SEC31A: variants seen among roughly 807,000 people sequenced by gnomAD.
The protein encoded by SEC31A is protein transport protein Sec31A.
Under a neutral mutation model 151.0 loss-of-function variants are expected in SEC31A, and 70 were observed. The observed-to-expected ratio is 0.46, with a 90% CI of 0.38 to 0.57. The LOEUF (loss-of-function observed/expected upper bound fraction) is 0.57. Ranked by LOEUF, SEC31A falls within the 20% of genes least tolerant of loss-of-function variation. The pLI, the probability that SEC31A is intolerant of heterozygous loss-of-function variation, is 0.00. For synonymous variants in SEC31A, 475 were observed against 505.9 expected (o/e 0.94, Z 0.82); for missense variants, 1,330 against 1,471.2 (o/e 0.90, Z 1.57).
chr4:82,835,302 T>C (rs543638568), intron 22 of SEC31A, among the ~76,000 whole-genome samples: 1 of 152,304 alleles, frequency 6.6e-6, no homozygotes, highest in East Asian at 1.9e-4. Flanking sequence ...ATGATACTCT[T>C]GGTCAACGCT....
At chr4:82,828,365 T>C (rs183821975) in intron 23 of SEC31A, among the ~76,000 whole-genome samples, 4 of 152,334 alleles carry the variant, frequency 2.6e-5, no homozygotes, top group African/African-American at 9.6e-5. Context: ...AAGTACTAAA[T>C]TCAGTTTCTG....
intron 22 of SEC31A, among the ~76,000 whole-genome samples, chr4:82,831,649 T>C (rs1463190432): frequency 6.6e-6 from 1 of 152,238 alleles, no homozygotes; most frequent in African/African-American, 2.4e-5. Context: ...CATTTTTCAC[T>C]GCTGGATTTA....
chr4:82,861,829 C>T (rs762070375), intron 13 of SEC31A, 121 bp from the exon 14 acceptor site: 56 of 499,362 alleles, frequency 1.1e-4, no homozygotes, highest in Non-Finnish European at 1.9e-4. Flanking sequence ...TCATAAGAAG[C>T]AACAGTGAGT....
intron 14 of SEC31A, among the ~76,000 whole-genome samples, chr4:82,858,336 G>C (rs1733184663): frequency 1.3e-5 from 2 of 151,520 alleles, no homozygotes; most frequent in African/African-American, 4.9e-5. Context: ...ACGAGGTCGG[G>C]AGATCGAGAC....
intron 22 of SEC31A, among the ~76,000 whole-genome samples, chr4:82,834,747 T>C (rs920012247): frequency 3.3e-5 from 5 of 152,244 alleles, no homozygotes; most frequent in African/African-American, 1.2e-4. Context: ...TGTACAATTT[T>C]GTCTCAATTA....
intron 20 of SEC31A, among the ~76,000 whole-genome samples, chr4:82,846,403 A>ATAATAATAATAC (rs1393937598): frequency 6.7e-6 from 1 of 148,316 alleles, no homozygotes; most frequent in South Asian, 2.1e-4. Context: ...AATAATAATA[A>ATAATAATAATAC]TACAATTGAC....
intron 20 of SEC31A, among the ~76,000 whole-genome samples, 185 bp downstream of exon 20, chr4:82,848,619 G>A (rs1730754584): frequency 6.6e-6 from 1 of 152,062 alleles, no homozygotes; most frequent in African/African-American, 2.4e-5. Context: ...TTGACTAAAT[G>A]AGAGAGATGA....
At chr4:82,847,855 A>G (rs1157887170) in intron 20 of SEC31A, among the ~76,000 whole-genome samples, 5 of 152,234 alleles carry the variant, frequency 3.3e-5, no homozygotes, top group Admixed American at 3.3e-4. Context: ...AAGTCAAAAT[A>G]GAGAGTATTC....
chr4:82,861,512 A>G (rs1734113341), intron 14 of SEC31A, 119 bp downstream of exon 14: 5 of 614,876 alleles, frequency 8.1e-6, no homozygotes, highest in African/African-American at 1.8e-5. Context: ...CATCTCAAAG[A>G]AAACAATTTA....
intron 22 of SEC31A, among the ~76,000 whole-genome samples, chr4:82,829,929 T>A (rs1725541292): frequency 6.6e-6 from 1 of 152,202 alleles, no homozygotes; most frequent in South Asian, 2.1e-4. Context: ...TTTCACTAAG[T>A]GTGAGTTTTG....
At chr4:82,854,720 A>T (rs1186602453) in intron 17 of SEC31A, among the ~76,000 whole-genome samples, 183 bp downstream of exon 17, 2 of 152,110 alleles carry the variant, frequency 1.3e-5, no homozygotes, top group Non-Finnish European at 2.9e-5. Context: ...TTTAAAAAAA[A>T]AAAAAAAAGA....
At chr4:82,867,350 A>C in intron 8 of SEC31A, 34 bp from the exon 9 acceptor site, 2 of 1,602,744 alleles carry the variant, frequency 1.2e-6, no homozygotes, top group Non-Finnish European at 1.7e-6. Context: ...CAAAACTCAG[A>C]AAATGGTATG....
In SEC31A at chr4:82,881,891, G is replaced by T. The variant is rs756886061; in HGVS notation, c.46C>A (p.Pro16Thr). The T allele has an allele frequency of 2.5e-6, 4 of 1,614,088 alleles. No individual in the cohort carries two copies. The highest frequency in any genetic ancestry group is 3.3e-5 in the Admixed American group (2 of 60,028). ...VDRTAMQAWS[P>T]AQNHPIYLAT... is the part of the protein sequence containing the mutation. ...AGGTAAATGGGGTGATTCTGGGCAG[G>T]GCTCCATGCCTGCATGGCTGTACGA... The change falls in exon 2 of 27, where the codon CCT becomes ACT. Residue 16 changes from proline (P) to threonine (T), a missense_variant. Coordinates refer to ENST00000395310, the MANE Select transcript of SEC31A (RefSeq NM_001077207.4).
intron 6 of SEC31A, among the ~76,000 whole-genome samples, chr4:82,872,459 T>C (rs1307206188): frequency 6.6e-6 from 1 of 151,582 alleles, no homozygotes; most frequent in Non-Finnish European, 1.5e-5. Context: ...AAAGTGCTGG[T>C]ATTACAGGCA....
upstream of SEC31A, chr4:82,891,252 C>A: frequency 5.1e-6 from 7 of 1,371,108 alleles, no homozygotes; most frequent in Non-Finnish European, 6.9e-6. Context: ...CTTCCGGGAG[C>A]GACATCTTTC....
At chr4:82,864,302 ATAAAGGAACAGTTAAAT>A in intron 11 of SEC31A, 43 bp downstream of exon 11, 1 of 1,155,292 alleles carries the variant, frequency 8.7e-7, no homozygotes, top group Non-Finnish European at 1.3e-6. Context: ...GATTTAGAAT[ATAAAGGAACAGTTAAAT>A]TTGCAGATAA....
chr4:82,896,632 G>A (rs532261208), intron 3 of SEC31A, among the ~76,000 whole-genome samples: 1 of 152,210 alleles, frequency 6.6e-6, no homozygotes, highest in South Asian at 2.1e-4. Context: ...GGTGGCACAC[G>A]CCTGCAGTTC....
chr4:82,868,556 T>C lies in SEC31A; in HGVS notation c.883-1240A>G, dbSNP rs531696639. 2.0e-5 allele frequency among the ~76,000 whole-genome samples: 3 copies of C among 152,146 alleles called. No individual in the cohort carries two copies. In the East Asian group the frequency reaches 5.8e-4, roughly 29 times the overall value. On this transcript the variant is annotated intron_variant, in intron 8 of 26. Transcript: ENST00000395310. The stretch of plus-strand genomic sequence containing the variant: ...ATAAATAAATAGAAAATGGCTTATA[T>C]GAAACCTTCACAATGTAATCCTTGT...
intron 25 of SEC31A, among the ~76,000 whole-genome samples, chr4:82,823,888 G>A (rs1009834881): frequency 2.0e-5 from 3 of 152,194 alleles, no homozygotes; most frequent in Non-Finnish European, 4.4e-5. Flanking sequence ...ATGAGAGGCA[G>A]TATAGCTTGG....
Sources: allele counts gnomAD v4.1 joint callset (sites outside exome capture counted in the v4.1 genomes callset), GRCh38; gene constraint gnomAD v4.1.1; transcripts MANE v1.5; gene names NCBI Gene and HGNC (gene_info 2026-07-23, HGNC 2026-07-21).